The following ATRNL1 variants were observed in gnomAD, a reference collection of about 807,000 sequenced individuals.
The protein encoded by ATRNL1 is attractin like 1.
A neutral mutation model predicts 182.7 loss-of-function variants in ATRNL1; 95 were observed. The observed-to-expected ratio is 0.52, with a 90% CI of 0.44 to 0.62. The LOEUF is 0.62. Ranked by LOEUF, ATRNL1 falls within the 20% of genes least tolerant of loss-of-function variation. The pLI, the probability that ATRNL1 is intolerant of heterozygous loss-of-function variation, is 0.00. For synonymous variants in ATRNL1, 576 were observed against 568.3 expected, an observed-to-expected ratio of 1.01 and a Z score of -0.19; for missense variants, 1,471 against 1,679.5, an observed-to-expected ratio of 0.88 and a Z score of 2.17.
intron 10 of ATRNL1, among the ~76,000 whole-genome samples, chr10:115,264,319 T>G (rs1851518107): frequency 6.6e-6 from 1 of 151,646 alleles, no homozygotes; most frequent in African/African-American, 2.4e-5. Flanking sequence ...TTACTTTAAC[T>G]TTTACAACTA....
intron 28 of ATRNL1, among the ~76,000 whole-genome samples, chr10:115,867,220 T>C (rs1466062904): frequency 6.6e-6 from 1 of 152,200 alleles, no homozygotes; most frequent in African/African-American, 2.4e-5. Flanking sequence ...AAATTTTAAT[T>C]GAAAATATTA....
At chr10:115,216,856 C>G (rs2144412633) in intron 9 of ATRNL1, among the ~76,000 whole-genome samples, 1 of 151,672 alleles carries the variant, frequency 6.6e-6, no homozygotes, top group Non-Finnish European at 1.5e-5. Context: ...ATTATAACAC[C>G]TTTTTTCTTT....
At chr10:115,348,164 G>C (rs1463823727) in intron 19 of ATRNL1, among the ~76,000 whole-genome samples, 1 of 152,032 alleles carries the variant, frequency 6.6e-6, no homozygotes, top group Non-Finnish European at 1.5e-5. Context: ...AGTAGAGATG[G>C]GGTTTCACAT....
chr10:115,590,758 C>G (rs1267448440), intron 26 of ATRNL1, among the ~76,000 whole-genome samples: 1 of 152,158 alleles, frequency 6.6e-6, no homozygotes, highest in East Asian at 1.9e-4. Flanking sequence ...GGAAACAGAA[C>G]AAGATAATCA....
intron 19 of ATRNL1, among the ~76,000 whole-genome samples, chr10:115,338,841 C>G (rs542397588): frequency 6.6e-6 from 1 of 152,228 alleles, no homozygotes; most frequent in African/African-American, 2.4e-5. Flanking sequence ...ATGTTTTGTT[C>G]TGGTAGTTTC....
intron 24 of ATRNL1, among the ~76,000 whole-genome samples, chr10:115,472,293 GTTC>G (rs1468812077): frequency 3.3e-5 from 5 of 150,916 alleles, no homozygotes; most frequent in African/African-American, 1.2e-4. Flanking sequence ...CTCCAGCTTT[GTTC>G]TTCTTTTATA....
chr10:115,404,617 A>G (rs1197415383), intron 20 of ATRNL1, among the ~76,000 whole-genome samples: 2 of 152,176 alleles, frequency 1.3e-5, no homozygotes, highest in Non-Finnish European at 2.9e-5. Context: ...GAGTTAGCAT[A>G]TTCTTCCATG....
chr10:115,108,204 A>T (rs528115606), intron 1 of ATRNL1, among the ~76,000 whole-genome samples: 3 of 152,132 alleles, frequency 2.0e-5, no homozygotes, highest in Non-Finnish European at 4.4e-5. Context: ...TCTTTACTAT[A>T]TGCAGTTAAA....
At chr10:115,177,832 CT>C (rs1237524380) in intron 8 of ATRNL1, among the ~76,000 whole-genome samples, 1 of 143,220 alleles carries the variant, frequency 7.0e-6, no homozygotes, top group Non-Finnish European at 1.5e-5. Context: ...AAGAAAATAG[CT>C]AGTGTGAAGC....
rs537777148 is a variant in ATRNL1 at position 115,745,682 on chromosome 10, G to A, written c.3903+18327G>A. Among the ~76,000 whole-genome samples, 8 of 152,216 alleles carry A rather than the reference G, an allele frequency of 5.3e-5. No homozygotes were observed. In the South Asian group the frequency reaches 1.4e-3, roughly 28 times the overall value. Reference sequence around the variant, plus strand: ...TCTAATGACTGTGTGATGGTATCTTGTTGTATTAGATTGGTGCAGATGTAA... The same window carrying A: ...TCTAATGACTGTGTGATGGTATCTTATTGTATTAGATTGGTGCAGATGTAA... On this transcript the variant is annotated intron_variant, in intron 27 of 28. Transcript: ENST00000355044.
intron 26 of ATRNL1, among the ~76,000 whole-genome samples, chr10:115,559,452 G>GCGCGCA (rs1421561716): frequency 3.1e-5 from 4 of 127,564 alleles, no homozygotes; most frequent in Admixed American, 1.5e-4. Flanking sequence ...GTGCGCGCGC[G>GCGCGCA]CACGCACGCA....
intron 26 of ATRNL1, among the ~76,000 whole-genome samples, chr10:115,701,502 C>T (rs1328791669): frequency 2.0e-5 from 3 of 151,712 alleles, no homozygotes; most frequent in Non-Finnish European, 4.4e-5. Flanking sequence ...AAAGAATCAA[C>T]AAAACCAAAA....
chr10:115,770,472 T>G (rs1446364347), intron 27 of ATRNL1, among the ~76,000 whole-genome samples: 2 of 152,144 alleles, frequency 1.3e-5, no homozygotes, highest in Non-Finnish European at 2.9e-5. Context: ...GTGAGAAAGG[T>G]AACTGATTAA....
At chr10:115,700,946 A>T (rs1466912639) in intron 26 of ATRNL1, among the ~76,000 whole-genome samples, 1 of 152,072 alleles carries the variant, frequency 6.6e-6, no homozygotes, top group African/African-American at 2.4e-5. Flanking sequence ...TCTATGCTTG[A>T]CCATTTGGAC....
chr10:115,343,657 T>A (rs113389480), intron 19 of ATRNL1, among the ~76,000 whole-genome samples: 1,697 of 152,230 alleles, frequency 0.011, 13 homozygotes, highest in South Asian at 0.033. Context: ...TTTGATGAGG[T>A]CATGTTTTCC....
chr10:115,838,983 G>T (rs1950742650), intron 27 of ATRNL1, among the ~76,000 whole-genome samples: 1 of 151,906 alleles, frequency 6.6e-6, no homozygotes, highest in African/African-American at 2.4e-5. Flanking sequence ...ACTTATAATA[G>T]GTTGCAACTG....
intron 8 of ATRNL1, among the ~76,000 whole-genome samples, chr10:115,208,541 C>T (rs1005535875): frequency 5.9e-5 from 9 of 152,004 alleles, no homozygotes; most frequent in African/African-American, 2.2e-4. Flanking sequence ...TAGAGTGGAT[C>T]CAGAGCAACT....
chr10:115,558,065 C>CAAAAAAAAA (rs113014620), intron 26 of ATRNL1, among the ~76,000 whole-genome samples: 12 of 144,486 alleles, frequency 8.3e-5, no homozygotes, highest in Non-Finnish European at 1.1e-4. Flanking sequence ...AACAAAAAAA[C>CAAAAAAAAA]AAAAAAAAAA....
intron 27 of ATRNL1, among the ~76,000 whole-genome samples, chr10:115,812,912 C>G (rs1950079557): frequency 1.3e-5 from 2 of 151,694 alleles, no homozygotes; most frequent in Non-Finnish European, 2.9e-5. Context: ...GCTTCACTGT[C>G]CCTAGAATTA....
Sources: gnomAD v4.1 joint callset for allele counts (sites outside exome capture counted in the v4.1 genomes callset) on GRCh38, gnomAD v4.1.1 for gene constraint, MANE v1.5 for transcripts, NCBI Gene and HGNC (gene_info 2026-07-23, HGNC 2026-07-21) for gene names.